The following PLD1 variants were observed in gnomAD, a reference collection of about 807,000 sequenced individuals.
The protein encoded by PLD1 is choline phosphatase 1.
Under a neutral mutation model 137.1 loss-of-function variants are expected in PLD1, and 112 were observed. The observed-to-expected ratio is 0.82, with a 90% CI of 0.70 to 0.96. PLD1 has a LOEUF of 0.96. Ranked by LOEUF, PLD1 falls within the 40% of genes least tolerant of loss-of-function variation. The pLI, the probability that PLD1 is intolerant of heterozygous loss-of-function variation, is 0.00. For missense variants in PLD1, 1,321 were observed against 1,342.0 expected (o/e 0.98, Z 0.24); for synonymous variants, 431 against 454.7 (o/e 0.95, Z 0.66).
Position 171,674,603 on chromosome 3 carries a change from G to T in PLD1, c.2126C>A (p.Ser709Ter). 6.5e-7 allele frequency: 1 copy of T among 1,531,106 alleles called. No homozygotes were observed. The highest frequency in any genetic ancestry group is 9.0e-7 in the Non-Finnish European group (1 of 1,106,496). The allele number at this position is 1,531,106 out of a possible 1,614,324, so 94.8% of individuals were successfully genotyped here. A position where few individuals can be genotyped will look rare whatever the true frequency, so the allele number is the denominator to read the frequency against. The change falls in exon 19 of 27, where the codon TCA becomes TAA. Residue 709 changes from serine to a stop codon, truncating the protein, a stop_gained. Coordinates refer to ENST00000351298, the MANE Select transcript of PLD1 (RefSeq NM_002662.5). LOFTEE classifies it high-confidence loss of function. ...AGGATAAGAAAGGGACCGATATTTT[G>T]ATTTCATAATCTAAAATAAAGAAAA... ...QRWNFTKIMKSKYRSLSYPFL... is the reference protein window; with the variant it reads ...QRWNFTKIMK
intron 16 of PLD1, 77 bp from the exon 17 acceptor site, chr3:171,677,771 T>G: frequency 1.4e-6 from 2 of 1,391,086 alleles, no homozygotes; most frequent in South Asian, 2.6e-5. Flanking sequence ...TCTCATTTAT[T>G]AAACACCTAA....
intron 11 of PLD1, among the ~76,000 whole-genome samples, chr3:171,704,506 C>T (rs928159735): frequency 1.4e-5 from 2 of 145,180 alleles, no homozygotes; most frequent in Non-Finnish European, 3.0e-5. Context: ...AGGGAATCAG[C>T]AGATGTCAAT....
chr3:171,750,673 G>GAGA (rs1316842927), intron 1 of PLD1, among the ~76,000 whole-genome samples: 2 of 152,166 alleles, frequency 1.3e-5, no homozygotes, highest in Non-Finnish European at 2.9e-5. Context: ...TTGTGTTCAG[G>GAGA]AGAACCACAC....
intron 11 of PLD1, among the ~76,000 whole-genome samples, chr3:171,704,194 G>A (rs1042583716): frequency 1.3e-5 from 2 of 152,052 alleles, no homozygotes; most frequent in Admixed American, 6.5e-5. Flanking sequence ...GACCACCACC[G>A]AAGTCCCAGA....
intron 17 of PLD1, 29 bp downstream of exon 17, chr3:171,677,537 A>G: frequency 6.2e-7 from 1 of 1,606,484 alleles, no homozygotes; most frequent in Non-Finnish European, 8.5e-7. Flanking sequence ...GACAAAATAT[A>G]ACCAGCACCC....
intron 14 of PLD1, 134 bp from the exon 15 acceptor site, chr3:171,687,718 G>A: frequency 6.3e-6 from 4 of 634,174 alleles, no homozygotes; most frequent in East Asian, 2.7e-5. Context: ...TAATGTCTGA[G>A]GTCAGCCACA....
Position 171,662,060 on chromosome 3 carries a change from T to C in PLD1, c.2340A>G (p.Glu780=). ...ACGAATTTACATGAGCAAGACTTACTTCGATATAGATATAGTGCCTGCTGT... is the reference window on the plus strand; with the variant it reads ...ACGAATTTACATGAGCAAGACTTACCTCGATATAGATATAGTGCCTGCTGT... The part of the protein sequence containing the change: ...IENSRHYIYI[E]NQFFISCADD... The change falls in exon 20 of 27, where the codon GAA becomes GAG. Residue 780 remains glutamate (E), a splice_region_variant and synonymous_variant. Transcript: ENST00000351298. 3.2e-6 allele frequency: 5 copies of C among 1,559,950 alleles called. No homozygotes were observed. In the South Asian group the frequency reaches 5.6e-5, roughly 17 times the overall value.
At chr3:171,621,171 C>A (rs1315698594) in intron 23 of PLD1, among the ~76,000 whole-genome samples, 1 of 152,254 alleles carries the variant, frequency 6.6e-6, no homozygotes, top group East Asian at 1.9e-4. Flanking sequence ...TTCTTCAGAG[C>A]AAGCAGCACC....
At chr3:171,730,647 T>TTTTTTTTTTC (rs1718868115) in intron 6 of PLD1, among the ~76,000 whole-genome samples, 1 of 66,734 alleles carries the variant, frequency 1.5e-5, no homozygotes, top group African/African-American at 9.1e-5. Flanking sequence ...CTATCTCCAC[T>TTTTTTTTTTC]TTTTTTTTTT....
chr3:171,809,452 G>A (rs1438220136), intron 1 of PLD1: 1 of 152,188 alleles, frequency 6.6e-6, no homozygotes, highest in Non-Finnish European at 1.5e-5. Context: ...TCTCTCAGAG[G>A]CCTTTGGAGG....
At chr3:171,753,388 C>T (rs1340735006) in intron 1 of PLD1, among the ~76,000 whole-genome samples, 1 of 152,220 alleles carries the variant, frequency 6.6e-6, no homozygotes, top group African/African-American at 2.4e-5. Flanking sequence ...GAAAGAGAGT[C>T]GGTGTGCACC....
intron 16 of PLD1, among the ~76,000 whole-genome samples, chr3:171,678,784 G>T (rs1244416133): frequency 6.6e-6 from 1 of 152,142 alleles, no homozygotes; most frequent in Non-Finnish European, 1.5e-5. Context: ...TCCCAAACTG[G>T]TGCCAATCTA....
chr3:171,655,096 C>T (rs1458366910), intron 21 of PLD1, among the ~76,000 whole-genome samples: 2 of 152,188 alleles, frequency 1.3e-5, no homozygotes, highest in Non-Finnish European at 2.9e-5. Flanking sequence ...GGCCTGTATT[C>T]TTTGGTGAGG....
chr3:171,687,930 C>T (rs551244150), intron 14 of PLD1, among the ~76,000 whole-genome samples: 2 of 152,282 alleles, frequency 1.3e-5, no homozygotes, highest in South Asian at 2.1e-4. Flanking sequence ...GCAAGGCTTC[C>T]TCTGTCAATC....
intron 1 of PLD1, among the ~76,000 whole-genome samples, chr3:171,767,935 T>C (rs1013105703): frequency 4.9e-5 from 7 of 143,008 alleles, no homozygotes; most frequent in Non-Finnish European, 9.4e-5. Flanking sequence ...AGAGTGAGAC[T>C]CTGCCTCAAA....
At chr3:171,788,025 G>T (rs2108347979) in intron 1 of PLD1, among the ~76,000 whole-genome samples, 1 of 152,000 alleles carries the variant, frequency 6.6e-6, no homozygotes, top group African/African-American at 2.4e-5. Flanking sequence ...TGGCCAACAT[G>T]GTGAAACCCC....
At chr3:171,692,523 ACTTT>A (rs1456770377) in intron 12 of PLD1, 81 bp from the exon 13 acceptor site, 5 of 748,504 alleles carry the variant, frequency 6.7e-6, no homozygotes, top group African/African-American at 5.4e-5. Context: ...TTTGCACTGT[ACTTT>A]CTTTCTTTTT....
chr3:171,677,435 A>C, intron 17 of PLD1, 131 bp downstream of exon 17: 1 of 873,214 alleles, frequency 1.1e-6, no homozygotes, highest in Non-Finnish European at 1.7e-6. Flanking sequence ...TAGTCTCCAA[A>C]GTTTTAAAAA....
intron 1 of PLD1, among the ~76,000 whole-genome samples, chr3:171,778,279 T>C (rs958397953): frequency 6.6e-6 from 1 of 152,192 alleles, no homozygotes; most frequent in Admixed American, 6.5e-5. Flanking sequence ...ACGTACTTAG[T>C]GAGCACCTAC....
Sources: gnomAD v4.1 joint callset for allele counts (sites outside exome capture counted in the v4.1 genomes callset) on GRCh38, gnomAD v4.1.1 for gene constraint, MANE v1.5 for transcripts, NCBI Gene and HGNC (gene_info 2026-07-23, HGNC 2026-07-21) for gene names.